Variants in SSBP4 observed in about 807,000 individuals in gnomAD.
The protein encoded by SSBP4 is single stranded DNA binding protein 4.
In SSBP4, 33 loss-of-function variants were observed where a neutral mutation model predicts 64.6. The observed-to-expected ratio is 0.51, with a 90% CI of 0.39 to 0.68. The LOEUF (loss-of-function observed/expected upper bound fraction) is 0.68, where lower values mean the gene tolerates loss of function less well. Among genes scored for constraint, SSBP4 ranks in the 30% least tolerant of loss-of-function variants. The probability of loss-of-function intolerance (pLI) is 0.00; values close to 1 mark genes in which losing one functional copy is unlikely to be tolerated. For missense variants in SSBP4, 583 were observed against 566.8 expected (o/e 1.03, Z -0.29); for synonymous variants, 243 against 224.0 (o/e 1.08, Z -0.76).
At chr19:18,409,573 G>T in the SSBP4 span, among the ~76,000 whole-genome samples, 1 of 152,052 alleles carries the variant, frequency 6.6e-6, no homozygotes, top group Non-Finnish European at 1.5e-5. Flanking sequence ...TAGAGTCAAG[G>T]AGTCGGGAGA....
chr19:18,422,729 C>T (rs991421283), intron 1 of SSBP4, among the ~76,000 whole-genome samples: 4 of 152,214 alleles, frequency 2.6e-5, no homozygotes, highest in Non-Finnish European at 4.4e-5. Flanking sequence ...GGCAGCCACG[C>T]GGCTCTCAGG....
chr19:18,417,752 C>T (rs894400084), upstream of SSBP4, among the ~76,000 whole-genome samples: 11 of 152,222 alleles, frequency 7.2e-5, no homozygotes, highest in African/African-American at 2.4e-4. The surrounding 1 kb of genome is among the most constrained non-coding windows in gnomAD (Gnocchi z 5.4). Context: ...GGCTGGCGTC[C>T]CCCCTCCCGC....
intron 4 of SSBP4, among the ~76,000 whole-genome samples, chr19:18,430,553 G>A (rs554978673): frequency 1.3e-5 from 2 of 152,192 alleles, no homozygotes; most frequent in Admixed American, 6.5e-5. Flanking sequence ...CCTGAGTAGA[G>A]TTGGGGACCC....
At chr19:18,410,587 T>G in the SSBP4 span, among the ~76,000 whole-genome samples, 5 of 152,046 alleles carry the variant, frequency 3.3e-5, no homozygotes, top group African/African-American at 1.2e-4. Context: ...TGCCTCCTCC[T>G]TGCCATGAAA....
At chr19:18,411,311 G>T in the SSBP4 span, among the ~76,000 whole-genome samples, 1 of 151,976 alleles carries the variant, frequency 6.6e-6, no homozygotes, top group African/African-American at 2.4e-5. Flanking sequence ...TGGCCAACAT[G>T]ATGAAACCTT....
intron 5 of SSBP4, 105 bp downstream of exon 5, chr19:18,431,035 A>C: frequency 7.4e-7 from 1 of 1,344,234 alleles, no homozygotes; most frequent in Non-Finnish European, 1.0e-6. Flanking sequence ...GGCAGGCTGG[A>C]GTTGGGTGGG....
chr19:18,405,797 C>T, the SSBP4 span, among the ~76,000 whole-genome samples: 1 of 152,136 alleles, frequency 6.6e-6, no homozygotes, highest in South Asian at 2.1e-4. Context: ...ACCATCCTGG[C>T]TAACAAACAC....
upstream of SSBP4, among the ~76,000 whole-genome samples, chr19:18,414,032 C>CAAAA (rs530358060): frequency 0.012 from 1,811 of 151,242 alleles, 19 homozygotes; most frequent in Admixed American, 0.032. Context: ...AACAAACAAA[C>CAAAA]AAAAAAAACG....
In SSBP4 at chr19:18,427,165, C is replaced by T. The variant is rs1454941279; in HGVS notation, c.60-186C>T. ...GCGTGGAACACAGCCGAATTCGGCC[C>T]GGAATTGGGGGTCACGGATGCCTGG... On this transcript the variant is annotated intron_variant, in intron 1 of 17. Coordinates refer to ENST00000270061, the MANE Select transcript of SSBP4 (RefSeq NM_032627.5). This position sits in a 1 kb window ranked among gnomAD's most constrained non-coding sequence, Gnocchi z 4.4. Among the ~76,000 whole-genome samples the T allele has an allele frequency of 3.3e-5, 5 of 152,114 alleles. No individual in the cohort carries two copies. In the East Asian group the frequency reaches 5.8e-4, roughly 18 times the overall value.
At chr19:18,433,409 G>A (rs540889191) in intron 15 of SSBP4, 176 bp from the exon 16 acceptor site, 4 of 1,292,832 alleles carry the variant, frequency 3.1e-6, no homozygotes, top group East Asian at 2.5e-5. Context: ...TGCACTGACC[G>A]CCCCTCCCCC....
the SSBP4 span, among the ~76,000 whole-genome samples, chr19:18,411,584 G>A: frequency 3.0e-4 from 45 of 152,312 alleles, no homozygotes; most frequent in African/African-American, 1.1e-3. Context: ...TGTCACTGGA[G>A]CTGAAGCCTG....
At position 18,426,510 on chromosome 19, in the gene SSBP4, G is replaced by C. The variant is rs79986518; in HGVS notation, c.60-841G>C. ...GGACTGGGCGACCCTTTGGATAGGGGGTTTGTCCTCTGCTCTCTGGTGTGG... is the reference window on the plus strand; with the variant it reads ...GGACTGGGCGACCCTTTGGATAGGGCGTTTGTCCTCTGCTCTCTGGTGTGG... On this transcript the variant is annotated intron_variant, in intron 1 of 17. Coordinates refer to ENST00000270061, the MANE Select transcript of SSBP4 (RefSeq NM_032627.5). The surrounding 1 kb of genome is among the most constrained non-coding windows in gnomAD (Gnocchi z 4.5). 3.8e-3 allele frequency among the ~76,000 whole-genome samples: 575 copies of C among 152,300 alleles called. 2 individuals carry two copies. The highest frequency in any genetic ancestry group is 0.015 in the South Asian group (72 of 4,828).
the SSBP4 span, among the ~76,000 whole-genome samples, chr19:18,411,720 T>C: frequency 2.0e-5 from 3 of 152,044 alleles, no homozygotes; most frequent in African/African-American, 7.2e-5. Context: ...TGTCAAAACA[T>C]GCTCAATATC....
At chr19:18,417,172 C>A (rs934116645), upstream of SSBP4, among the ~76,000 whole-genome samples, 3 of 152,176 alleles carry the variant, frequency 2.0e-5, no homozygotes, top group African/African-American at 7.2e-5. The surrounding 1 kb of genome is among the most constrained non-coding windows in gnomAD (Gnocchi z 5.4). Flanking sequence ...GCACGTGGCA[C>A]TCCCTGAAAT....
At chr19:18,433,980 A>G in intron 17 of SSBP4, 163 bp downstream of exon 17, 2 of 687,342 alleles carry the variant, frequency 2.9e-6, no homozygotes, top group Admixed American at 7.9e-5. Context: ...ACCTCTCCCC[A>G]CCCCCCACCA....
chr19:18,423,773 C>T lies in SSBP4; in HGVS notation c.60-3578C>T, dbSNP rs1041614590. Among the ~76,000 whole-genome samples, 2 of 152,194 alleles carry T rather than the reference C, an allele frequency of 1.3e-5. No individual in the cohort carries two copies. The highest frequency in any genetic ancestry group is 2.9e-5 in the Non-Finnish European group (2 of 68,034). On this transcript the variant is annotated intron_variant, in intron 1 of 17. Coordinates refer to ENST00000270061, the MANE Select transcript of SSBP4 (RefSeq NM_032627.5). The surrounding 1 kb of genome is among the most constrained non-coding windows in gnomAD (Gnocchi z 4.0). ...TCTGCAGGGAGAGCTGCCTGCTGCT[C>T]TTCCGGGTGCCTCCCTGTTTTCCTT... is the stretch of plus-strand genomic sequence containing the variant.
Position 18,432,189 on chromosome 19 carries a change from G to A in SSBP4, c.679G>A (p.Gly227Ser), listed in dbSNP as rs369932796. 36 of 1,613,006 alleles carry A rather than the reference G, an allele frequency of 2.2e-5. No homozygotes were observed. Among genetic ancestry groups the A allele is most frequent in the African/African-American group, 8.0e-5 (6 of 74,944 alleles). ...GMRPPPNSLA[G>S]PGLPAMNMGP... ...GCGACCCCCACCCAACTCCCTCGCC[G>A]GCCCAGGCCTGCCTGCCATGAACAT... Residue 227 changes from glycine (G) to serine (S), a missense_variant, in exon 10 of 18, where the codon GGC (glycine) becomes AGC (serine). Coordinates refer to ENST00000270061, the MANE Select transcript of SSBP4 (RefSeq NM_032627.5).
chr19:18,406,184 G>A, the SSBP4 span, among the ~76,000 whole-genome samples: 1 of 151,180 alleles, frequency 6.6e-6, no homozygotes, highest in East Asian at 2.0e-4. Context: ...ACAGGATCTG[G>A]CTGTGTCGCC....
At chr19:18,424,870 G>A (rs145144940) in intron 1 of SSBP4, among the ~76,000 whole-genome samples, 3 of 151,870 alleles carry the variant, frequency 2.0e-5, no homozygotes, top group Non-Finnish European at 1.5e-5. Context: ...GCAGGGAGGG[G>A]GAGAATGGGG....
Sources: gnomAD v4.1 joint callset for allele counts (sites outside exome capture counted in the v4.1 genomes callset) on GRCh38, gnomAD v4.1.1 for gene constraint, Gnocchi (gnomAD v3.1) non-coding constraint, MANE v1.5 for transcripts, NCBI Gene and HGNC (gene_info 2026-07-23, HGNC 2026-07-21) for gene names.